OTULIN: variants seen among roughly 807,000 people sequenced by gnomAD.
OTULIN encodes the protein OTU deubiquitinase with linear linkage specificity.
Under a neutral mutation model 39.6 loss-of-function variants are expected in OTULIN, and 15 were observed. The ratio of observed to expected loss-of-function variants is 0.38; its 90% CI spans 0.25 to 0.58. OTULIN has a LOEUF of 0.58. OTULIN is among the 20% of genes least tolerant of loss of function. OTULIN has a pLI of 0.66. For missense variants in OTULIN, 319 were observed against 445.9 expected, an observed-to-expected ratio of 0.72 and a Z score of 2.56; for synonymous variants, 156 against 170.3, an observed-to-expected ratio of 0.92 and a Z score of 0.65.
chr5:14,689,697 T>C (rs1260017145), intron 5 of OTULIN, among the ~76,000 whole-genome samples: 3 of 152,212 alleles, frequency 2.0e-5, no homozygotes. Context: ...CCTTCACAGC[T>C]TCACACACAG....
intron 2 of OTULIN, chr5:14,673,991 G>T: frequency 4.7e-6 from 1 of 211,942 alleles, no homozygotes; most frequent in South Asian, 1.1e-4. Context: ...TCCTCTCTCA[G>T]TTCTTGATTT....
the OTULIN span, chr5:14,710,203 A>G: frequency 2.0e-5 from 3 of 150,990 alleles, no homozygotes; most frequent in African/African-American, 7.4e-5. Flanking sequence ...CAGGTAATAT[A>G]TCTACTTCAA....
chr5:14,712,903 T>C, the OTULIN span: 1 of 1,612,794 alleles, frequency 6.2e-7, no homozygotes, highest in East Asian at 2.2e-5. Context: ...CACGCAGCGA[T>C]GGCGACCATG....
At chr5:14,687,803 G>A in intron 5 of OTULIN, 157 bp downstream of exon 5, 1 of 844,164 alleles carries the variant, frequency 1.2e-6, no homozygotes, top group South Asian at 2.2e-5. Flanking sequence ...CTTCCCACGA[G>A]GGCTTTAGTA....
chr5:14,701,750 T>C (rs763619465), downstream of OTULIN, among the ~76,000 whole-genome samples: 1 of 152,080 alleles, frequency 6.6e-6, no homozygotes, highest in Non-Finnish European at 1.5e-5. Flanking sequence ...TTGGTGTGAG[T>C]GTCGTCCTCT....
downstream of OTULIN, among the ~76,000 whole-genome samples, chr5:14,702,448 A>G (rs897448533): frequency 4.6e-5 from 7 of 152,164 alleles, no homozygotes; most frequent in Admixed American, 3.9e-4. Context: ...TGGGCTTGTG[A>G]GGACTGGATT....
At chr5:14,687,431 T>G in intron 4 of OTULIN, 90 bp from the exon 5 acceptor site, 1 of 1,439,824 alleles carries the variant, frequency 6.9e-7, no homozygotes, top group Non-Finnish European at 9.4e-7. Context: ...TTAGGTTTTA[T>G]AGACTTTGTG....
Position 14,690,157 on chromosome 5 carries a change from A to G in OTULIN, c.713A>G (p.Asn238Ser), listed in dbSNP as rs780082394. 1 of 1,614,188 alleles carries G rather than the reference A, an allele frequency of 6.2e-7. No individual in the cohort carries two copies. The highest frequency in any genetic ancestry group is 1.7e-5 in the Admixed American group (1 of 60,032). ...LYEAVKFLML[N>S]RAIELYNDKE... ...GAAGCTGTAAAATTTCTAATGCTAA[A>G]CAGAGCCATTGAACTATATAATGAT... The change falls in exon 6 of 7, where the codon AAC becomes AGC. Residue 238 changes from asparagine (N) to serine (S), a missense_variant. Asn to Ser is a conservative substitution (Grantham distance 46). Around this residue, in one of 4 missense-constraint regions of OTULIN, gnomAD observed 106 missense variants for 192.8 expected, o/e 0.55. Coordinates refer to ENST00000284274, the MANE Select transcript of OTULIN (RefSeq NM_138348.6). This position sits in a 1 kb window ranked among gnomAD's most constrained non-coding sequence, Gnocchi z 4.5.
rs532177867 is a variant in OTULIN, at chr5:14,694,526, T to G, written c.*1478T>G. Reference sequence around the variant, plus strand: ...AATCCTTATTTGGTCCAATTTAATATAGTTTAGAAGCTATTTTTTTTGAGG... The same window carrying G: ...AATCCTTATTTGGTCCAATTTAATAGAGTTTAGAAGCTATTTTTTTTGAGG... On this transcript the variant is annotated 3_prime_UTR_variant, in exon 7 of 7. Transcript: ENST00000284274. 2 of 152,334 alleles carry G rather than the reference T, an allele frequency of 1.3e-5. No homozygotes were observed. Among genetic ancestry groups the G allele is most frequent in the South Asian group, 4.1e-4 (2 of 4,832 alleles). The allele number at this position is 152,334 out of a possible 1,614,324, so 9.4% of individuals were successfully genotyped here.
chr5:14,667,054 C>A (rs1470804177), intron 1 of OTULIN, among the ~76,000 whole-genome samples: 4 of 152,122 alleles, frequency 2.6e-5, no homozygotes, highest in Admixed American at 2.0e-4. Flanking sequence ...GTTGGGTTTG[C>A]TATGCAGAGG....
At position 14,685,456 on chromosome 5, in the gene OTULIN, G is replaced by A. The variant is rs143496415; in HGVS notation, c.469-2065G>A. ...TTAGTGGAAAACAAAGGTTATTTAC[G>A]TGTGTTCCATGTGCTGTGACCTCTG... On this transcript the variant is annotated intron_variant, in intron 4 of 6. Coordinates refer to ENST00000284274, the MANE Select transcript of OTULIN (RefSeq NM_138348.6). Among the ~76,000 whole-genome samples the A allele has an allele frequency of 5.3e-5, 8 of 152,264 alleles. No homozygotes were observed. In the South Asian group the frequency reaches 6.2e-4, roughly 12 times the overall value.
downstream of OTULIN, among the ~76,000 whole-genome samples, chr5:14,700,548 A>G (rs1467742601): frequency 6.8e-6 from 1 of 147,698 alleles, no homozygotes; most frequent in African/African-American, 2.5e-5. Context: ...CCTCACCCCA[A>G]CCCCATGCCC....
downstream of OTULIN, among the ~76,000 whole-genome samples, chr5:14,700,647 C>T (rs1034692311): frequency 4.0e-5 from 6 of 149,308 alleles, no homozygotes; most frequent in East Asian, 1.2e-3. Context: ...ATCTGTACCT[C>T]CCGCTGTGCC....
At chr5:14,702,219 C>T (rs180896499), downstream of OTULIN, among the ~76,000 whole-genome samples, 1 of 152,228 alleles carries the variant, frequency 6.6e-6, no homozygotes, top group East Asian at 1.9e-4. Context: ...TGTGACTCCT[C>T]TAGATGGGGG....
chr5:14,707,679 G>A, the OTULIN span: 1 of 151,936 alleles, frequency 6.6e-6, no homozygotes. Flanking sequence ...GTTATTTATT[G>A]GGAAGACTCA....
At chr5:14,687,759 T>G in intron 5 of OTULIN, 113 bp downstream of exon 5, 3 of 1,346,102 alleles carry the variant, frequency 2.2e-6, no homozygotes, top group Non-Finnish European at 2.0e-6. Context: ...CTTGGCTGAT[T>G]TTTAGGCAAA....
chr5:14,678,388 G>T lies in OTULIN; in HGVS notation c.230-293G>T, dbSNP rs115781392. Reference sequence around the variant, plus strand: ...CAGGAGCCCCTGGAGCTCTCTGAGCGCAGGAGTAATTGATACCATCTGATT... The same window carrying T: ...CAGGAGCCCCTGGAGCTCTCTGAGCTCAGGAGTAATTGATACCATCTGATT... On this transcript the variant is annotated intron_variant, in intron 2 of 6. Coordinates refer to ENST00000284274, the MANE Select transcript of OTULIN (RefSeq NM_138348.6). Among the ~76,000 whole-genome samples the T allele has an allele frequency of 2.2e-3, 341 of 152,314 alleles. 3 individuals are homozygous for T. Among genetic ancestry groups the T allele is most frequent in the African/African-American group, 8.0e-3 (332 of 41,550 alleles).
downstream of OTULIN, among the ~76,000 whole-genome samples, chr5:14,702,424 C>T (rs79989912): frequency 0.012 from 1,868 of 152,160 alleles, 40 homozygotes; most frequent in African/African-American, 0.042. Context: ...GGAAATAGGC[C>T]CAGATTAGGA....
At chr5:14,714,929 C>T in the OTULIN span, among the ~76,000 whole-genome samples, 1 of 152,224 alleles carries the variant, frequency 6.6e-6, no homozygotes. Flanking sequence ...TCTCAATCTG[C>T]GAGTGCAGCT....
Sources: gnomAD v4.1 joint callset for allele counts (sites outside exome capture counted in the v4.1 genomes callset) on GRCh38, gnomAD v4.1.1 for gene constraint, gnomAD v4.1.1 regional missense constraint, Gnocchi (gnomAD v3.1) non-coding constraint, MANE v1.5 for transcripts, NCBI Gene and HGNC (gene_info 2026-07-23, HGNC 2026-07-21) for gene names.